The following KAT6B variants were observed in gnomAD, a reference collection of about 807,000 sequenced individuals.
KAT6B encodes lysine acetyltransferase 6B.
In KAT6B, 10 loss-of-function variants were observed where a neutral mutation model predicts 187.5. The ratio of observed to expected loss-of-function variants is 0.05; its 90% CI spans 0.03 to 0.09. KAT6B has a LOEUF of 0.09. Among genes scored for constraint, KAT6B ranks in the 10% least tolerant of loss-of-function variants. The probability of loss-of-function intolerance (pLI) is 1.00; values close to 1 mark genes in which losing one functional copy is unlikely to be tolerated. For missense variants in KAT6B, 1,952 were observed against 2,558.9 expected (o/e 0.76, Z 5.12); for synonymous variants, 861 against 926.8 (o/e 0.93, Z 1.29).
intron 3 of KAT6B, among the ~76,000 whole-genome samples, chr10:74,928,520 A>G (rs945250650): frequency 1.3e-5 from 2 of 152,190 alleles, no homozygotes; most frequent in African/African-American, 4.8e-5. Context: ...GAACTCCACT[A>G]CTACAGAATA....
upstream of KAT6B, among the ~76,000 whole-genome samples, chr10:74,825,122 G>T (rs1338032213): frequency 6.6e-6 from 1 of 152,206 alleles, no homozygotes; most frequent in African/African-American, 2.4e-5. This position sits in a 1 kb window ranked among gnomAD's most constrained non-coding sequence, Gnocchi z 5.0. Flanking sequence ...AGCTCCCGAG[G>T]CGTCCCCCAC....
At chr10:75,014,878 A>G (rs899161477) in intron 13 of KAT6B, among the ~76,000 whole-genome samples, 17 of 152,186 alleles carry the variant, frequency 1.1e-4, no homozygotes, top group Admixed American at 3.9e-4. Flanking sequence ...CTTGCATCCA[A>G]GGAGCTGAGT....
Position 75,022,195 on chromosome 10 carries a change from A to G in KAT6B, c.3336A>G (p.Arg1112=), listed in dbSNP as rs766780821. 2 of 1,613,330 alleles carry G rather than the reference A, an allele frequency of 1.2e-6. No homozygotes were observed. Among genetic ancestry groups the G allele is most frequent in the Admixed American group, 3.3e-5 (2 of 60,022 alleles). The change falls in exon 16 of 18, where the codon AGA becomes AGG. Residue 1112 remains arginine (R), a synonymous_variant. Transcript: ENST00000287239. The part of the protein sequence containing the change: ...EEENIQSSPP[R]LTKPQSVAIK... ...AAAATATTCAAAGCTCTCCCCCAAG[A>G]TTGACGAAACCACAGTCAGTTGCCA...
chr10:74,874,661 G>T (rs374680409), intron 3 of KAT6B, among the ~76,000 whole-genome samples: 4 of 152,090 alleles, frequency 2.6e-5, no homozygotes, highest in African/African-American at 4.8e-5. Context: ...GATTATAAGC[G>T]TGAGCCACCA....
At position 75,030,512 on chromosome 10, in the gene KAT6B, G is replaced by T; in HGVS notation, c.5688G>T (p.Leu1896Phe). The T allele has an allele frequency of 1.2e-6, 2 of 1,611,168 alleles. No individual in the cohort carries two copies. Among genetic ancestry groups the T allele is most frequent in the South Asian group, 1.1e-5 (1 of 90,990 alleles). ...PPPMNLPPPL[L>F]QRNMAASNIG... ...CAATGAATCTGCCGCCGCCTCTTTT[G>T]CAACGGAACATGGCTGCATCAAATA... Residue 1896 changes from leucine (L) to phenylalanine (F), a missense_variant, in exon 18 of 18, where the codon TTG (leucine) becomes TTT (phenylalanine). This residue lies in a region of KAT6B where 358 missense variants were observed against 436.3 expected (regional missense o/e 0.82). Transcript: ENST00000287239. This position sits in a 1 kb window ranked among gnomAD's most constrained non-coding sequence, Gnocchi z 4.8.
chr10:74,991,647 T>G (rs113088134), intron 13 of KAT6B, among the ~76,000 whole-genome samples: 11 of 152,172 alleles, frequency 7.2e-5, no homozygotes, highest in African/African-American at 2.7e-4. Flanking sequence ...TTCTCTTTCC[T>G]GTACACCTAG....
At chr10:74,879,762 T>TC (rs1290017962) in intron 3 of KAT6B, among the ~76,000 whole-genome samples, 1 of 151,842 alleles carries the variant, frequency 6.6e-6, no homozygotes, top group African/African-American at 2.4e-5. Flanking sequence ...CTGACTAGTC[T>TC]CCCCTTCTAA....
intron 17 of KAT6B, among the ~76,000 whole-genome samples, chr10:75,026,777 C>T (rs1160860179): frequency 6.6e-6 from 1 of 152,066 alleles, no homozygotes; most frequent in African/African-American, 2.4e-5. Flanking sequence ...TGTCAGAAAG[C>T]TCATCTTCTG....
At chr10:74,953,095 G>T (rs1029504463) in intron 3 of KAT6B, among the ~76,000 whole-genome samples, 11 of 151,050 alleles carry the variant, frequency 7.3e-5, no homozygotes, top group African/African-American at 2.4e-4. Context: ...TTTTCATTTA[G>T]TTTGAGTTTT....
intron 13 of KAT6B, among the ~76,000 whole-genome samples, chr10:74,999,702 C>T (rs1320339769): frequency 6.6e-6 from 1 of 152,172 alleles, no homozygotes; most frequent in Non-Finnish European, 1.5e-5. Flanking sequence ...TTAGTCCTCA[C>T]GGAGACCCTA....
chr10:74,876,030 A>T (rs927755888), intron 3 of KAT6B, among the ~76,000 whole-genome samples: 2 of 152,152 alleles, frequency 1.3e-5, no homozygotes, highest in African/African-American at 4.8e-5. Context: ...TAAACATACA[A>T]CCTCAAGCAT....
At chr10:75,021,060 C>A in intron 14 of KAT6B, 66 bp from the exon 15 acceptor site, 1 of 1,464,438 alleles carries the variant, frequency 6.8e-7, no homozygotes, top group Non-Finnish European at 9.6e-7. Flanking sequence ...AGCATATGTC[C>A]GTATGTGAAG....
At chr10:74,826,424 G>C (rs1459493739), upstream of KAT6B, among the ~76,000 whole-genome samples, 1 of 152,150 alleles carries the variant, frequency 6.6e-6, no homozygotes, top group Non-Finnish European at 1.5e-5. Flanking sequence ...TGTTTATGTG[G>C]AAGCGAGATG....
intron 3 of KAT6B, among the ~76,000 whole-genome samples, chr10:74,947,757 T>G (rs1400474938): frequency 2.0e-5 from 3 of 152,238 alleles, no homozygotes; most frequent in African/African-American, 7.2e-5. Flanking sequence ...AAATTAAGTT[T>G]AAAATCTTCA....
At chr10:74,996,131 G>T (rs958178292) in intron 13 of KAT6B, among the ~76,000 whole-genome samples, 3 of 152,190 alleles carry the variant, frequency 2.0e-5, no homozygotes. Context: ...AGGAAGATGC[G>T]AAGAGTCATG....
chr10:75,018,863 G>T (rs528668332), intron 13 of KAT6B, among the ~76,000 whole-genome samples: 2 of 152,074 alleles, frequency 1.3e-5, no homozygotes, highest in African/African-American at 2.4e-5. Flanking sequence ...CTATATCCAC[G>T]GCTCTATGGT....
At position 74,898,085 on chromosome 10, in the gene KAT6B, TA is replaced by T. The variant is rs113439375; in HGVS notation, c.621+54617del. Among the ~76,000 whole-genome samples, 580 of 149,130 alleles carry T rather than the reference TA, an allele frequency of 3.9e-3. 9 individuals carry two copies. The highest frequency in any genetic ancestry group is 0.014 in the African/African-American group (551 of 40,754). On this transcript the variant is annotated intron_variant, in intron 3 of 17. Transcript: ENST00000287239. ...CAATAAATCTATATGTTTCTTTAGT[TA>T]AAAAAAAAACAGCAACAAAGTGTTT...
Position 74,851,291 on chromosome 10 carries a change from T to G in KAT6B, c.621+7813T>G, listed in dbSNP as rs1367569721. Among the ~76,000 whole-genome samples, 3 of 149,442 alleles carry G rather than the reference T, an allele frequency of 2.0e-5. No individual in the cohort carries two copies. The East Asian group carries it at 5.9e-4, about 29-fold the overall frequency. Reference sequence around the variant, plus strand: ...GCCCGGCTAATTTTTGTATTTTTAGTAGAGACAGGGTTTCACCATGTTGGT... The same window carrying G: ...GCCCGGCTAATTTTTGTATTTTTAGGAGAGACAGGGTTTCACCATGTTGGT... On this transcript the variant is annotated intron_variant, in intron 3 of 17. Coordinates refer to ENST00000287239, the MANE Select transcript of KAT6B (RefSeq NM_012330.4).
At chr10:74,870,650 C>G (rs543729020) in intron 3 of KAT6B, among the ~76,000 whole-genome samples, 1 of 152,006 alleles carries the variant, frequency 6.6e-6, no homozygotes, top group East Asian at 1.9e-4. Flanking sequence ...TGGATCTTGG[C>G]TCATTGCAGC....
Sources: allele counts gnomAD v4.1 joint callset (sites outside exome capture counted in the v4.1 genomes callset), GRCh38; gene constraint gnomAD v4.1.1; regional missense constraint gnomAD v4.1.1; non-coding constraint Gnocchi (gnomAD v3.1); transcripts MANE v1.5; gene names NCBI Gene and HGNC (gene_info 2026-07-23, HGNC 2026-07-21).